Variants in SLC38A10 observed in about 807,000 individuals in gnomAD.
The protein encoded by SLC38A10 is solute carrier family 38 member 10, also known as Sodium-coupled neutral amino acid transporter 10.
SLC38A10 carries 53 observed loss-of-function variants against 81.0 expected under a neutral mutation model. The ratio of observed to expected loss-of-function variants is 0.65; its 90% CI spans 0.53 to 0.82. The LOEUF is 0.82. SLC38A10 is among the 40% of genes least tolerant of loss of function. SLC38A10 has a pLI of 0.00. For missense variants in SLC38A10, 1,471 were observed against 1,545.0 expected (o/e 0.95, Z 0.80); for synonymous variants, 665 against 655.3 (o/e 1.01, Z -0.23).
chr17:81,254,495 T>G (rs1285561322), intron 11 of SLC38A10, among the ~76,000 whole-genome samples: 1 of 152,240 alleles, frequency 6.6e-6, no homozygotes, highest in East Asian at 1.9e-4. Context: ...TCGCCCAGGC[T>G]GGAGTGCAGT....
chr17:81,259,180 T>C (rs766823443), intron 11 of SLC38A10, among the ~76,000 whole-genome samples: 18 of 152,302 alleles, frequency 1.2e-4, no homozygotes, highest in Non-Finnish European at 2.4e-4. Context: ...AACGGACCTC[T>C]CCTCCTGTCT....
intron 10 of SLC38A10, among the ~76,000 whole-genome samples, chr17:81,266,788 G>A (rs1164413719): frequency 2.0e-5 from 3 of 152,220 alleles, no homozygotes; most frequent in Admixed American, 6.5e-5. Flanking sequence ...AGGAGAGTTC[G>A]CAAGGACATC....
In SLC38A10 at chr17:81,251,525, GCTCGCTCCACGTCC is replaced by G; in HGVS notation, c.2019_2032del (p.Arg673SerfsTer67). ...CTGGCTGGCCGCCTGGTTTCCACCC[GCTCGCTCCACGTCC>G]CTCTGCTCGCGAGGCTCGGGCGGCA... is the stretch of plus-strand genomic sequence containing the variant. On this transcript the variant is annotated frameshift_variant, in exon 14 of 16. Transcript: ENST00000374759. LOFTEE classifies it high-confidence loss of function. The G allele has an allele frequency of 6.3e-7, 1 of 1,596,098 alleles. No individual in the cohort carries two copies. The highest frequency in any genetic ancestry group is 8.5e-7 in the Non-Finnish European group (1 of 1,174,616).
intron 1 of SLC38A10, among the ~76,000 whole-genome samples, chr17:81,293,932 T>C (rs1362999850): frequency 6.6e-6 from 1 of 152,250 alleles, no homozygotes; most frequent in Admixed American, 6.5e-5. Context: ...TGTTATTCAA[T>C]GCTGGAATGA....
chr17:81,280,034 A>C (rs780262813), intron 6 of SLC38A10: 5 of 400,916 alleles, frequency 1.2e-5, no homozygotes, highest in Non-Finnish European at 2.6e-5. Flanking sequence ...TCTGCGCCGG[A>C]TTTACGCCTC....
At chr17:81,274,413 A>C (rs779124898) in intron 8 of SLC38A10, among the ~76,000 whole-genome samples, 1 of 152,228 alleles carries the variant, frequency 6.6e-6, no homozygotes, top group Non-Finnish European at 1.5e-5. Flanking sequence ...ACCGCCCCCA[A>C]TGTGGCTGCT....
rs1280365112 is a variant in SLC38A10, at chr17:81,252,621, C to T, written c.1519G>A (p.Val507Met). The stretch of plus-strand genomic sequence containing the variant: ...TCTCGGTCTTGGCCTTCATCTACCA[C>T]CACCTTGTCGTGAGGAACAGGAGGC... ...HEPPVPHDKV[V>M]VDEGQDREVP... The change falls in exon 13 of 16, where the codon GTG becomes ATG. Residue 507 changes from valine (V) to methionine (M), a missense_variant. This residue lies in a region of SLC38A10 where 720 missense variants were observed against 827.7 expected (regional missense o/e 0.87). Coordinates refer to ENST00000374759, the MANE Select transcript of SLC38A10 (RefSeq NM_001037984.3). The T allele has an allele frequency of 6.2e-7, 1 of 1,612,774 alleles. No homozygotes were observed. Among genetic ancestry groups the T allele is most frequent in the Admixed American group, 1.7e-5 (1 of 59,998 alleles).
At position 81,283,617 on chromosome 17, in the gene SLC38A10, CTTTTTTTTT is replaced by C; in HGVS notation, c.264-124_264-116del. On this transcript the variant is annotated intron_variant, in intron 3 of 15. Transcript: ENST00000374759. The surrounding 1 kb of genome is among the most constrained non-coding windows in gnomAD (Gnocchi z 4.7). ...GAATGACAGATGTGATTTCTTTTTT[CTTTTTTTTT>C]TTTTTGAAACAGAGTCTCACTCTGT... is the stretch of plus-strand genomic sequence containing the variant. 1.9e-6 allele frequency: 1 copy of C among 517,518 alleles called. No individual in the cohort carries two copies. Among genetic ancestry groups the C allele is most frequent in the Non-Finnish European group, 3.3e-6 (1 of 301,192 alleles). 32.1% of individuals were successfully genotyped at this position (517,518 alleles called of 1,614,324 possible).
chr17:81,277,241 T>G lies in SLC38A10; in HGVS notation c.627-108A>C. On this transcript the variant is annotated intron_variant, in intron 6 of 15. Coordinates refer to ENST00000374759, the MANE Select transcript of SLC38A10 (RefSeq NM_001037984.3). The surrounding 1 kb of genome is among the most constrained non-coding windows in gnomAD (Gnocchi z 4.5). ...GCCCAGTGAGAGTCTCTGACCTTCC[T>G]TCATGCAACATTCTCTGCACACTGG... is the stretch of plus-strand genomic sequence containing the variant. 1.1e-6 allele frequency: 1 copy of G among 930,306 alleles called. No homozygotes were observed. Among genetic ancestry groups the G allele is most frequent in the Non-Finnish European group, 1.7e-6 (1 of 591,910 alleles). The allele number at this position is 930,306 out of a possible 1,614,324, so 57.6% of individuals were successfully genotyped here.
At chr17:81,291,062 C>T (rs72850649) in intron 1 of SLC38A10, among the ~76,000 whole-genome samples, 9,610 of 152,178 alleles carry the variant, frequency 0.063, 363 homozygotes, top group East Asian at 0.13. Flanking sequence ...ATCGAGGTGA[C>T]ACTTAAAACA....
chr17:81,251,103 A>G, intron 14 of SLC38A10: 3 of 1,501,226 alleles, frequency 2.0e-6, no homozygotes, highest in Non-Finnish European at 2.7e-6. Context: ...ATCTGGGTGC[A>G]GGCACGCCCA....
At chr17:81,284,266 G>A (rs1280605989) in intron 3 of SLC38A10, among the ~76,000 whole-genome samples, 3 of 152,116 alleles carry the variant, frequency 2.0e-5, no homozygotes, top group African/African-American at 7.2e-5. Flanking sequence ...GCTGAGGCAG[G>A]AGAATCGCTT....
At chr17:81,248,089 C>G (rs986278762) in intron 14 of SLC38A10, among the ~76,000 whole-genome samples, 1 of 151,474 alleles carries the variant, frequency 6.6e-6, no homozygotes, top group Non-Finnish European at 1.5e-5. Context: ...TCCCGAGTAG[C>G]TGGGACTACA....
At chr17:81,251,751 T>TAA (rs2062917108) in intron 13 of SLC38A10, 139 bp from the exon 14 acceptor site, 1 of 891,464 alleles carries the variant, frequency 1.1e-6, no homozygotes, top group Non-Finnish European at 1.6e-6. Flanking sequence ...GCACAGTTTA[T>TAA]ATTCAACCTG....
rs886216031 is a variant in SLC38A10 at position 81,247,133 on chromosome 17, C to T, written c.2066-72G>A. 22 of 1,469,652 alleles carry T rather than the reference C, an allele frequency of 1.5e-5. No homozygotes were observed. In the African/African-American group the frequency reaches 2.5e-4, roughly 17 times the overall value. 91.0% of individuals were successfully genotyped at this position (1,469,652 alleles called of 1,614,324 possible). A position where few individuals can be genotyped will look rare whatever the true frequency, so the allele number is the denominator to read the frequency against. Reference sequence around the variant, plus strand: ...CCGTGCTGGGCCAGGGACGGCGCGGCCCACAGCAAGGCAACGCACAGGTCA... The same window carrying T: ...CCGTGCTGGGCCAGGGACGGCGCGGTCCACAGCAAGGCAACGCACAGGTCA... On this transcript the variant is annotated intron_variant, in intron 14 of 15. Transcript: ENST00000374759.
intron 11 of SLC38A10, among the ~76,000 whole-genome samples, chr17:81,254,482 G>A (rs556229347): frequency 2.0e-5 from 3 of 152,300 alleles, no homozygotes; most frequent in South Asian, 2.1e-4. Flanking sequence ...GACTCCTGCT[G>A]TGTCGCCCAG....
chr17:81,270,868 A>G lies in SLC38A10; in HGVS notation c.1131+50T>C. 1 of 1,536,636 alleles carries G rather than the reference A, an allele frequency of 6.5e-7. No homozygotes were observed. The highest frequency in any genetic ancestry group is 9.0e-7 in the Non-Finnish European group (1 of 1,111,014). ...CTTCCTCCCGCCTCCACCTCTCCCCAGCCCAGACCCATCAGCCCTCGTCCA... is the reference window on the plus strand; with the variant it reads ...CTTCCTCCCGCCTCCACCTCTCCCCGGCCCAGACCCATCAGCCCTCGTCCA... On this transcript the variant is annotated intron_variant, in intron 10 of 15. Coordinates refer to ENST00000374759, the MANE Select transcript of SLC38A10 (RefSeq NM_001037984.3). This position sits in a 1 kb window ranked among gnomAD's most constrained non-coding sequence, Gnocchi z 4.0.
intron 8 of SLC38A10, among the ~76,000 whole-genome samples, chr17:81,274,695 C>T (rs2063145717): frequency 6.6e-6 from 1 of 152,204 alleles, no homozygotes; most frequent in Non-Finnish European, 1.5e-5. Context: ...GCGGGCCTTT[C>T]ATGGTTCACT....
In SLC38A10 at chr17:81,251,524, C is replaced by T. The variant is rs1191124679; in HGVS notation, c.2034G>A (p.Ala678=). 6 of 1,596,738 alleles carry T rather than the reference C, an allele frequency of 3.8e-6. No homozygotes were observed. The highest frequency in any genetic ancestry group is 3.4e-6 in the Non-Finnish European group (4 of 1,174,906). ...EPREQRDVER[A]GGNQAASQLE... is the part of the protein sequence containing the mutation. ...GCTGGCTGGCCGCCTGGTTTCCACCCGCTCGCTCCACGTCCCTCTGCTCGC... is the reference window on the plus strand; with the variant it reads ...GCTGGCTGGCCGCCTGGTTTCCACCTGCTCGCTCCACGTCCCTCTGCTCGC... The change falls in exon 14 of 16, where the codon GCG becomes GCA. Residue 678 remains alanine (A), a synonymous_variant. Coordinates refer to ENST00000374759, the MANE Select transcript of SLC38A10 (RefSeq NM_001037984.3).
Sources: gnomAD v4.1 joint callset for allele counts (sites outside exome capture counted in the v4.1 genomes callset) on GRCh38, gnomAD v4.1.1 for gene constraint, gnomAD v4.1.1 regional missense constraint, Gnocchi (gnomAD v3.1) non-coding constraint, MANE v1.5 for transcripts, NCBI Gene and HGNC (gene_info 2026-07-23, HGNC 2026-07-21) for gene names.